KCNT1: variants seen among roughly 807,000 people sequenced by gnomAD.
KCNT1 encodes potassium channel subfamily T member 1.
Under a neutral mutation model 147.8 loss-of-function variants are expected in KCNT1, and 78 were observed. That is an observed-to-expected ratio of 0.53 (90% confidence interval 0.44 to 0.64). KCNT1 has a LOEUF of 0.64. Ranked by LOEUF, KCNT1 falls within the 30% of genes least tolerant of loss-of-function variation. The pLI is 0.00. For synonymous variants in KCNT1, 867 were observed against 748.8 expected, an observed-to-expected ratio of 1.16 and a Z score of -2.58; for missense variants, 1,419 against 1,750.3, an observed-to-expected ratio of 0.81 and a Z score of 3.38.
Position 135,750,065 on chromosome 9 carries a change from C to T in KCNT1, c.255-33C>T. On this transcript the variant is annotated intron_variant, in intron 2 of 30. Coordinates refer to ENST00000371757, the MANE Select transcript of KCNT1 (RefSeq NM_020822.3). ...GTCCCCAGCCTGAGTCCCCACTGGCCCTGAGCCTCCATGCCCCTCTCTGCT... is the reference window on the plus strand; with the variant it reads ...GTCCCCAGCCTGAGTCCCCACTGGCTCTGAGCCTCCATGCCCCTCTCTGCT... 5 of 1,584,324 alleles carry T rather than the reference C, an allele frequency of 3.2e-6. No individual in the cohort carries two copies. In the South Asian group the frequency reaches 5.5e-5, roughly 18 times the overall value.
intron 24 of KCNT1, among the ~76,000 whole-genome samples, chr9:135,780,668 C>T (rs988405628): frequency 3.3e-5 from 5 of 152,212 alleles, no homozygotes; most frequent in South Asian, 2.1e-4. Flanking sequence ...CTGCCCTGCC[C>T]GCCGCCCAAG....
chr9:135,751,623 C>T (rs573559459), intron 4 of KCNT1, among the ~76,000 whole-genome samples: 14 of 152,332 alleles, frequency 9.2e-5, no homozygotes, highest in Admixed American at 4.6e-4. Context: ...CCTGTTCTGT[C>T]TCCTTCTGCT....
At chr9:135,708,239 CAT>C (rs1449578471) in intron 1 of KCNT1, among the ~76,000 whole-genome samples, 6 of 152,214 alleles carry the variant, frequency 3.9e-5, no homozygotes, top group African/African-American at 7.2e-5. Flanking sequence ...CATATGTCCA[CAT>C]GTGCACATGT....
intron 29 of KCNT1, 44 bp downstream of exon 29, chr9:135,786,565 GC>G: frequency 6.6e-7 from 1 of 1,504,100 alleles, no homozygotes; most frequent in Non-Finnish European, 8.9e-7. Context: ...GACGGACTGG[GC>G]CAGGGTCGGG....
At chr9:135,758,338 C>T (rs553150904) in intron 9 of KCNT1, 76 bp from the exon 10 acceptor site, 6 of 1,140,414 alleles carry the variant, frequency 5.3e-6, no homozygotes, top group South Asian at 2.5e-5. Context: ...TTTCCACTGT[C>T]CTTCTAGTCT....
At chr9:135,735,467 TG>T (rs1830296657) in intron 2 of KCNT1, among the ~76,000 whole-genome samples, 3 of 152,096 alleles carry the variant, frequency 2.0e-5, no homozygotes, top group Admixed American at 2.0e-4. Context: ...CCATCCGCGT[TG>T]GCCACCCAGG....
intron 5 of KCNT1, 21 bp from the exon 6 acceptor site, chr9:135,755,100 C>A: frequency 1.9e-6 from 3 of 1,603,482 alleles, no homozygotes; most frequent in South Asian, 1.1e-5. Context: ...CCCTACTGTG[C>A]TGCCTCCTTT....
At chr9:135,788,025 G>A (rs565669140) in intron 29 of KCNT1, 139 of 1,187,568 alleles carry the variant, frequency 1.2e-4, no homozygotes, top group East Asian at 4.7e-4. Context: ...CCACTGTGCC[G>A]GCCGCCCGCA....
chr9:135,763,379 G>A (rs908223505), intron 11 of KCNT1, among the ~76,000 whole-genome samples: 6 of 152,250 alleles, frequency 3.9e-5, no homozygotes, highest in Non-Finnish European at 7.3e-5. Context: ...CCTCGCTCAC[G>A]AGCGTCCTTC....
chr9:135,712,610 C>T (rs1415164181), intron 1 of KCNT1, among the ~76,000 whole-genome samples: 1 of 152,142 alleles, frequency 6.6e-6, no homozygotes, highest in Non-Finnish European at 1.5e-5. Flanking sequence ...CGAAAAGTCT[C>T]AACCAGACCC....
At chr9:135,766,251 CAGTGTAGATCATGTGGGGTGGACCATCT>C (rs1224204918) in intron 13 of KCNT1, among the ~76,000 whole-genome samples, 2 of 148,942 alleles carry the variant, frequency 1.3e-5, no homozygotes, top group African/African-American at 5.0e-5. Context: ...GTGGACCATC[CAGTGTAGATCATGTGGGGTGGACCATCT>C]AGGGTAGACT....
rs1331504421 is a variant in KCNT1, at chr9:135,795,097, C to T, written c.*2936C>T. ...GAGACACCTGCTATTTTCCTTATTC[C>T]TGTTTTTTGTTTGTTTTTATTTTCC... On this transcript the variant is annotated 3_prime_UTR_variant, in exon 31 of 31. Transcript: ENST00000371757. 3.3e-5 allele frequency: 5 copies of T among 152,088 alleles called. 1 individual carries two copies. The highest frequency in any genetic ancestry group is 6.6e-5 in the Admixed American group (1 of 15,264). 9.4% of individuals were successfully genotyped at this position (152,088 alleles called of 1,614,324 possible). A position where few individuals can be genotyped will look rare whatever the true frequency, so the allele number is the denominator to read the frequency against.
At chr9:135,787,495 C>T (rs1834154746) in intron 29 of KCNT1, among the ~76,000 whole-genome samples, 2 of 152,326 alleles carry the variant, frequency 1.3e-5, no homozygotes, top group South Asian at 2.1e-4. Flanking sequence ...CGTCGGAGTG[C>T]CCCGTCTCCC....
chr9:135,776,469 G>A (rs933857024), intron 20 of KCNT1, among the ~76,000 whole-genome samples: 2 of 151,978 alleles, frequency 1.3e-5, no homozygotes, highest in African/African-American at 2.4e-5. Context: ...GTCTCACTAT[G>A]TTGCCCAGGC....
At chr9:135,762,730 A>G (rs1056747413) in intron 11 of KCNT1, among the ~76,000 whole-genome samples, 1 of 152,214 alleles carries the variant, frequency 6.6e-6, no homozygotes, top group Admixed American at 6.5e-5. Flanking sequence ...AGCCTGGGTG[A>G]CAGAGCGAGA....
Position 135,768,912 on chromosome 9 carries a change from A to C in KCNT1, c.1485A>C (p.Glu495Asp). ...CPLYVQILKP[E>D]NKFHVKFADH... ...TCTACGTCCAGATCCTCAAACCTGA[A>C]AACAAGTTTCACGTCAAGTTTGCTG... The change falls in exon 15 of 31, where the codon GAA (glutamate) becomes GAC (aspartate). Residue 495 changes from glutamate (E) to aspartate (D), a missense_variant. Transcript: ENST00000371757. The C allele has an allele frequency of 6.2e-7, 1 of 1,613,508 alleles. No homozygotes were observed. Among genetic ancestry groups the C allele is most frequent in the South Asian group, 1.1e-5 (1 of 91,020 alleles).
intron 2 of KCNT1, among the ~76,000 whole-genome samples, chr9:135,746,947 G>T (rs926348028): frequency 6.6e-6 from 1 of 152,146 alleles, no homozygotes; most frequent in Non-Finnish European, 1.5e-5. Context: ...GTTGGTGGGG[G>T]ATGGTTGGCC....
chr9:135,704,321 C>G (rs1336724402), intron 1 of KCNT1, among the ~76,000 whole-genome samples: 1 of 152,160 alleles, frequency 6.6e-6, no homozygotes, highest in Non-Finnish European at 1.5e-5. Context: ...GCTTGGACAC[C>G]CCACCCCACT....
chr9:135,758,393 C>T (rs372256469), intron 9 of KCNT1, 21 bp from the exon 10 acceptor site: 51 of 1,594,700 alleles, frequency 3.2e-5, no homozygotes, highest in Non-Finnish European at 4.2e-5. Flanking sequence ...TGCCCGCTGA[C>T]AGCCACCACT....
Sources: allele counts gnomAD v4.1 joint callset (sites outside exome capture counted in the v4.1 genomes callset), GRCh38; gene constraint gnomAD v4.1.1; transcripts MANE v1.5; gene names NCBI Gene and HGNC (gene_info 2026-07-23, HGNC 2026-07-21).